The following DDX6 variants were observed in gnomAD, a reference collection of about 807,000 sequenced individuals.
DDX6 encodes the protein DEAD-box helicase 6.
In DDX6, 7 loss-of-function variants were observed where a neutral mutation model predicts 60.6. That is an observed-to-expected ratio of 0.12 (90% CI 0.07 to 0.22). The LOEUF (loss-of-function observed/expected upper bound fraction) is 0.22, where lower values mean the gene tolerates loss of function less well. Ranked by LOEUF, DDX6 falls within the 10% of genes least tolerant of loss-of-function variation. DDX6 has a pLI of 1.00. For missense variants in DDX6, 270 were observed against 589.9 expected, an observed-to-expected ratio of 0.46 and a Z score of 5.62; for synonymous variants, 207 against 201.0, an observed-to-expected ratio of 1.03 and a Z score of -0.25.
At chr11:118,774,249 T>C (rs1861626987) in intron 4 of DDX6, among the ~76,000 whole-genome samples, 2 of 152,150 alleles carry the variant, frequency 1.3e-5, no homozygotes, top group African/African-American at 2.4e-5. Flanking sequence ...AAAAACAGTA[T>C]ATTCTTAAGC....
At chr11:118,778,395 T>C (rs1245248494) in intron 4 of DDX6, among the ~76,000 whole-genome samples, 1 of 152,214 alleles carries the variant, frequency 6.6e-6, no homozygotes, top group Non-Finnish European at 1.5e-5. Context: ...TGTAAGGGGC[T>C]GTCCTTTAGC....
chr11:118,760,383 G>A (rs1861123117), intron 7 of DDX6, among the ~76,000 whole-genome samples: 1 of 152,142 alleles, frequency 6.6e-6, no homozygotes, highest in Non-Finnish European at 1.5e-5. Context: ...TCTCACTGCA[G>A]CCTGAACTTC....
chr11:118,761,601 G>A (rs1555160163), intron 7 of DDX6, among the ~76,000 whole-genome samples: 1 of 150,360 alleles, frequency 6.7e-6, no homozygotes, highest in East Asian at 2.0e-4. Context: ...GGGGCAACGA[G>A]ACTCTGTCTC....
intron 10 of DDX6, 134 bp downstream of exon 10, chr11:118,757,037 A>AG: frequency 2.2e-6 from 1 of 459,464 alleles, no homozygotes; most frequent in Non-Finnish European, 3.9e-6. Flanking sequence ...AACCTGAGGG[A>AG]GGTCAAAATG....
intron 12 of DDX6, among the ~76,000 whole-genome samples, chr11:118,755,151 TCA>T (rs1432621285): frequency 1.3e-5 from 2 of 152,176 alleles, no homozygotes; most frequent in African/African-American, 4.8e-5. Context: ...TAAACAACAG[TCA>T]CAGAACATAC....
chr11:118,776,555 C>G (rs1476104920), intron 4 of DDX6, among the ~76,000 whole-genome samples: 1 of 152,114 alleles, frequency 6.6e-6, no homozygotes, highest in Non-Finnish European at 1.5e-5. Context: ...CCTCAGTGGG[C>G]CAGGTGTGTT....
chr11:118,763,467 C>G (rs2137452475), intron 6 of DDX6, among the ~76,000 whole-genome samples, 161 bp from the exon 7 acceptor site: 1 of 148,846 alleles, frequency 6.7e-6, no homozygotes, highest in East Asian at 2.0e-4. Flanking sequence ...CCATTATAAT[C>G]TTATGGGAAC....
chr11:118,781,082 C>A, intron 3 of DDX6, 39 bp downstream of exon 3: 1 of 1,397,716 alleles, frequency 7.2e-7, no homozygotes, highest in Non-Finnish European at 1.0e-6. Context: ...ACTTCTAGTT[C>A]CCCACCATTA....
At chr11:118,783,340 G>A (rs781685121) in intron 2 of DDX6, among the ~76,000 whole-genome samples, 2 of 152,138 alleles carry the variant, frequency 1.3e-5, no homozygotes, top group Non-Finnish European at 2.9e-5. Context: ...GCAGTGGTGC[G>A]ATCATAGCTC....
At chr11:118,779,454 C>T (rs73003218) in intron 4 of DDX6, among the ~76,000 whole-genome samples, 178 bp downstream of exon 4, 1,679 of 152,036 alleles carry the variant, frequency 0.011, 19 homozygotes, top group Non-Finnish European at 0.018. Context: ...AAATACACAC[C>T]GAAATATTTA....
chr11:118,755,597 A>G (rs1555158604), intron 11 of DDX6, 94 bp from the exon 12 acceptor site: 1 of 684,084 alleles, frequency 1.5e-6, no homozygotes, highest in African/African-American at 1.8e-5. Flanking sequence ...TAAGTTTATT[A>G]ATTTAATTCA....
intron 5 of DDX6, among the ~76,000 whole-genome samples, chr11:118,766,880 TCTG>T (rs1471022347): frequency 7.0e-6 from 1 of 143,294 alleles, no homozygotes; most frequent in Non-Finnish European, 1.5e-5. Flanking sequence ...CACCTGGCCT[TCTG>T]CTGCTGCTGC....
chr11:118,763,487 C>G (rs879947837), intron 6 of DDX6, among the ~76,000 whole-genome samples, 181 bp from the exon 7 acceptor site: 1 of 78 alleles, frequency 0.013, no homozygotes, highest in Non-Finnish European at 0.031. Context: ...CACCGACATA[C>G]GTGCAGCCGT....
chr11:118,765,371 G>A lies in DDX6; in HGVS notation c.500-16C>T. 1 of 1,613,358 alleles carries A rather than the reference G, an allele frequency of 6.2e-7. No homozygotes were observed. The highest frequency in any genetic ancestry group is 8.5e-7 in the Non-Finnish European group (1 of 1,179,460). On this transcript the variant is annotated splice_polypyrimidine_tract_variant and intron_variant, in intron 5 of 13. Coordinates refer to ENST00000534980, the MANE Select transcript of DDX6 (RefSeq NM_004397.6). Reference sequence around the variant, plus strand: ...ATCACCATTGCTGAAACAGTATCAAGGAATATATAAGAAAATATGGGGTGA... The same window carrying A: ...ATCACCATTGCTGAAACAGTATCAAAGAATATATAAGAAAATATGGGGTGA...
chr11:118,779,588 G>T (rs782038709), intron 4 of DDX6, 44 bp downstream of exon 4: 2 of 1,305,832 alleles, frequency 1.5e-6, no homozygotes, highest in Non-Finnish European at 2.2e-6. Flanking sequence ...CTGTTTAATG[G>T]TTGACACATA....
At chr11:118,765,679 G>A (rs767073994) in intron 5 of DDX6, among the ~76,000 whole-genome samples, 11 of 152,126 alleles carry the variant, frequency 7.2e-5, no homozygotes, top group Non-Finnish European at 1.6e-4. Flanking sequence ...GGAGGCTGAG[G>A]CAGGAGAATC....
intron 3 of DDX6, among the ~76,000 whole-genome samples, chr11:118,780,620 G>A (rs1861865909): frequency 6.6e-6 from 1 of 152,040 alleles, no homozygotes; most frequent in Non-Finnish European, 1.5e-5. Context: ...CCCGGCCCTT[G>A]GTCACAGTCT....
chr11:118,774,979 A>T lies in DDX6; in HGVS notation c.369+4653T>A, dbSNP rs551528053. Among the ~76,000 whole-genome samples the T allele has an allele frequency of 4.7e-4, 71 of 152,312 alleles. 3 individuals are homozygous for T. The South Asian group carries it at 0.015, about 32-fold the overall frequency. On this transcript the variant is annotated intron_variant, in intron 4 of 13. Transcript: ENST00000534980. ...GCCTGCCATGAGGTTATATTTTACCAGGGGGGTGATGGGTGCACCCAAATC... is the reference window on the plus strand; with the variant it reads ...GCCTGCCATGAGGTTATATTTTACCTGGGGGGTGATGGGTGCACCCAAATC...
At chr11:118,765,528 A>G (rs1861321186) in intron 5 of DDX6, among the ~76,000 whole-genome samples, 173 bp from the exon 6 acceptor site, 1 of 152,020 alleles carries the variant, frequency 6.6e-6, no homozygotes, top group Non-Finnish European at 1.5e-5. Flanking sequence ...TAATCCCAGC[A>G]CTCTGGGAGG....
Sources: allele counts gnomAD v4.1 joint callset (sites outside exome capture counted in the v4.1 genomes callset), GRCh38; gene constraint gnomAD v4.1.1; transcripts MANE v1.5; gene names NCBI Gene and HGNC (gene_info 2026-07-23, HGNC 2026-07-21).